CCSER2: variants seen among roughly 807,000 people sequenced by gnomAD.
The protein encoded by CCSER2 is coiled-coil serine rich protein 2, also known as serine-rich coiled-coil domain-containing protein 2.
A neutral mutation model predicts 92.3 loss-of-function variants in CCSER2; 46 were observed. That is an observed-to-expected ratio of 0.50 (90% CI 0.39 to 0.64). The LOEUF (loss-of-function observed/expected upper bound fraction) is 0.64, where lower values mean the gene tolerates loss of function less well. Among genes scored for constraint, CCSER2 ranks in the 30% least tolerant of loss-of-function variants. CCSER2 has a pLI of 0.00. For synonymous variants in CCSER2, 433 were observed against 431.4 expected, an observed-to-expected ratio of 1.00 and a Z score of -0.04; for missense variants, 1,244 against 1,238.9, an observed-to-expected ratio of 1.00 and a Z score of -0.06.
intron 9 of CCSER2, among the ~76,000 whole-genome samples, chr10:84,508,419 T>G (rs928393209): frequency 6.6e-6 from 1 of 152,196 alleles, no homozygotes; most frequent in Non-Finnish European, 1.5e-5. Flanking sequence ...TTACCCTCAT[T>G]TTGTAAATTA....
At chr10:84,432,421 A>G (rs1219231363) in intron 5 of CCSER2, among the ~76,000 whole-genome samples, 1 of 152,128 alleles carries the variant, frequency 6.6e-6, no homozygotes, top group African/African-American at 2.4e-5. Flanking sequence ...TCCCCTGTCT[A>G]GTAGTCCCCA....
chr10:84,478,727 A>C (rs1437368771), intron 9 of CCSER2, among the ~76,000 whole-genome samples: 1 of 152,194 alleles, frequency 6.6e-6, no homozygotes, highest in African/African-American at 2.4e-5. Context: ...TTCTTAAGAA[A>C]TTGGGAATGC....
At chr10:84,412,734 G>A (rs576208052) in intron 3 of CCSER2, among the ~76,000 whole-genome samples, 1 of 152,178 alleles carries the variant, frequency 6.6e-6, no homozygotes, top group Admixed American at 6.5e-5. Flanking sequence ...GGGGTTGAAA[G>A]GAAATGGTGT....
chr10:84,336,641 A>G (rs1843852553), intron 1 of CCSER2, among the ~76,000 whole-genome samples: 1 of 152,086 alleles, frequency 6.6e-6, no homozygotes, highest in South Asian at 2.1e-4. Flanking sequence ...TTGAGGGGAA[A>G]TGATTGGTAG....
Position 84,496,110 on chromosome 10 carries a change from A to G in CCSER2, c.2326-17339A>G, listed in dbSNP as rs561436277. 9.9e-5 allele frequency among the ~76,000 whole-genome samples: 15 copies of G among 152,196 alleles called. No individual in the cohort carries two copies. The East Asian group carries it at 2.9e-3, about 29-fold the overall frequency. The stretch of plus-strand genomic sequence containing the variant: ...TGTAGGCATTATATTTCACACACAC[A>G]TACATATATATTTAACTATATATAG... On this transcript the variant is annotated intron_variant, in intron 9 of 9. Coordinates refer to ENST00000372088, the MANE Select transcript of CCSER2 (RefSeq NM_001284240.2).
At chr10:84,443,216 G>C (rs752229894) in intron 6 of CCSER2, among the ~76,000 whole-genome samples, 11 of 152,058 alleles carry the variant, frequency 7.2e-5, no homozygotes, top group Admixed American at 2.0e-4. Context: ...AGGCAACCTA[G>C]AGAATGGGAG....
chr10:84,349,731 A>T (rs1844756618), intron 1 of CCSER2, among the ~76,000 whole-genome samples: 1 of 152,196 alleles, frequency 6.6e-6, no homozygotes, highest in African/African-American at 2.4e-5. Flanking sequence ...ATCTACTTCA[A>T]CCAGCCTAGT....
chr10:84,377,559 C>G (rs1385585881), intron 3 of CCSER2, among the ~76,000 whole-genome samples: 2 of 152,080 alleles, frequency 1.3e-5, no homozygotes, highest in Non-Finnish European at 2.9e-5. Flanking sequence ...ATTTTGCTGC[C>G]TGGTAGGGTA....
chr10:84,370,254 A>T (rs1166325225), intron 1 of CCSER2, among the ~76,000 whole-genome samples: 1 of 152,154 alleles, frequency 6.6e-6, no homozygotes, highest in Non-Finnish European at 1.5e-5. Flanking sequence ...GATTCCTCTA[A>T]TGCATGAGTG....
intron 3 of CCSER2, among the ~76,000 whole-genome samples, chr10:84,392,931 G>A (rs1459662743): frequency 6.6e-6 from 1 of 152,156 alleles, no homozygotes; most frequent in East Asian, 1.9e-4. Context: ...GGTTAGGCAT[G>A]CTTTCTGGCT....
At chr10:84,479,315 C>T (rs896060751) in intron 9 of CCSER2, among the ~76,000 whole-genome samples, 1 of 152,204 alleles carries the variant, frequency 6.6e-6, no homozygotes, top group African/African-American at 2.4e-5. Context: ...TGAGCTAGTA[C>T]TATAACTTAG....
chr10:84,402,727 G>A (rs1395042519), intron 3 of CCSER2, among the ~76,000 whole-genome samples: 1 of 152,094 alleles, frequency 6.6e-6, no homozygotes, highest in African/African-American at 2.4e-5. Context: ...CTAAATTCGA[G>A]AACAAGACAA....
At chr10:84,383,542 C>T (rs1589502343) in intron 3 of CCSER2, among the ~76,000 whole-genome samples, 1 of 152,084 alleles carries the variant, frequency 6.6e-6, no homozygotes, top group Non-Finnish European at 1.5e-5. Context: ...GATCTCCTGA[C>T]CTCATGATCT....
chr10:84,513,349 A>G, intron 9 of CCSER2, 100 bp from the exon 10 acceptor site: 1 of 893,456 alleles, frequency 1.1e-6, no homozygotes, highest in Non-Finnish European at 1.7e-6. Context: ...TTTCCATATT[A>G]AAGCCATAAT....
At chr10:84,411,298 C>T (rs1309015983) in intron 3 of CCSER2, among the ~76,000 whole-genome samples, 1 of 152,010 alleles carries the variant, frequency 6.6e-6, no homozygotes, top group East Asian at 1.9e-4. Context: ...TTTTTGGTTC[C>T]ATATGAATTT....
Position 84,373,718 on chromosome 10 carries a change from G to T in CCSER2, c.1517G>T (p.Ser506Ile), listed in dbSNP as rs1399091006. 3 of 1,613,220 alleles carry T rather than the reference G, an allele frequency of 1.9e-6. No homozygotes were observed. The South Asian group carries it at 3.3e-5, about 18-fold the overall frequency. ...TCGTTTGAACTCTCTCCATCTGATA[G>T]CTCTGATGGAACATACATGTGGGAT... Reference protein sequence around the residue: ...GSSFELSPSDSSDGTYMWDEE... With the variant: ...GSSFELSPSDISDGTYMWDEE... Residue 506 changes from serine to isoleucine, a missense_variant, in exon 3 of 10, where the codon AGC becomes ATC. Transcript: ENST00000372088.
intron 9 of CCSER2, among the ~76,000 whole-genome samples, chr10:84,511,022 T>A (rs1849320809): frequency 6.6e-6 from 1 of 152,202 alleles, no homozygotes; most frequent in Non-Finnish European, 1.5e-5. Context: ...CCACAAAAAT[T>A]AATTTTTAAT....
chr10:84,360,839 C>CA (rs1270405489), intron 1 of CCSER2, among the ~76,000 whole-genome samples: 1 of 152,232 alleles, frequency 6.6e-6, no homozygotes, highest in East Asian at 1.9e-4. Context: ...TACACACAAG[C>CA]ACTGTGGAAC....
intron 9 of CCSER2, among the ~76,000 whole-genome samples, chr10:84,512,685 A>T (rs1266283889): frequency 6.6e-6 from 1 of 152,206 alleles, no homozygotes; most frequent in Non-Finnish European, 1.5e-5. Context: ...GTTAGAGGCA[A>T]CTTCACATTT....
Sources: gnomAD v4.1 joint callset for allele counts (sites outside exome capture counted in the v4.1 genomes callset) on GRCh38, gnomAD v4.1.1 for gene constraint, MANE v1.5 for transcripts, NCBI Gene and HGNC (gene_info 2026-07-23, HGNC 2026-07-21) for gene names.